HABP4: variants seen among roughly 807,000 people sequenced by gnomAD.
HABP4 encodes hyaluronan binding protein 4.
In HABP4, 32 loss-of-function variants were observed where a neutral mutation model predicts 44.1. That is an observed-to-expected ratio of 0.73 (90% CI 0.55 to 0.97). The LOEUF (loss-of-function observed/expected upper bound fraction) is 0.97. Ranked by LOEUF, HABP4 falls within the 50% of genes least tolerant of loss-of-function variation. HABP4 has a pLI of 0.00. For synonymous variants in HABP4, 216 were observed against 218.0 expected (o/e 0.99, Z 0.08); for missense variants, 503 against 561.9 (o/e 0.90, Z 1.06).
rs946817906 is a variant in HABP4 at position 96,465,648 on chromosome 9, C to T, written c.675-62C>T. 2.5e-5 allele frequency: 32 copies of T among 1,268,370 alleles called. No homozygotes were observed. In the African/African-American group the frequency reaches 4.4e-4, roughly 17 times the overall value. The allele number at this position is 1,268,370 out of a possible 1,614,324, so 78.6% of individuals were successfully genotyped here. On this transcript the variant is annotated intron_variant, in intron 3 of 7. Transcript: ENST00000375249. Reference sequence around the variant, plus strand: ...CTGGGACTTTTATGAACCACTCTTTCTGATTTGGAGATTGACTGGAGACTA... The same window carrying T: ...CTGGGACTTTTATGAACCACTCTTTTTGATTTGGAGATTGACTGGAGACTA...
intron 5 of HABP4, among the ~76,000 whole-genome samples, chr9:96,475,274 G>C (rs955391015): frequency 6.6e-6 from 1 of 151,940 alleles, no homozygotes; most frequent in African/African-American, 2.4e-5. Context: ...TATTCAGGAG[G>C]CTGAGGCAGG....
intron 1 of HABP4, among the ~76,000 whole-genome samples, chr9:96,458,151 T>C (rs563740100): frequency 6.6e-6 from 1 of 152,344 alleles, no homozygotes; most frequent in African/African-American, 2.4e-5. Context: ...GGTCATATAC[T>C]TTCTAGGATA....
At chr9:96,457,741 G>C (rs1022499975) in intron 1 of HABP4, among the ~76,000 whole-genome samples, 1 of 152,084 alleles carries the variant, frequency 6.6e-6, no homozygotes, top group African/African-American at 2.4e-5. Flanking sequence ...GGTGGCACAT[G>C]CCTGTAATTC....
intron 5 of HABP4, among the ~76,000 whole-genome samples, chr9:96,472,235 G>A (rs147185193): frequency 4.6e-5 from 7 of 152,114 alleles, no homozygotes; most frequent in African/African-American, 7.2e-5. Context: ...AAGTCACATC[G>A]TGGGCCTGGT....
Position 96,488,265 on chromosome 9 carries a change from A to C in HABP4, c.1176A>C (p.Ala392=). 6.2e-7 allele frequency: 1 copy of C among 1,611,364 alleles called. No homozygotes were observed. Among genetic ancestry groups the C allele is most frequent in the Non-Finnish European group, 8.5e-7 (1 of 1,178,512 alleles). The change falls in exon 7 of 8, where the codon GCA becomes GCC. Residue 392 remains alanine, a synonymous_variant. Coordinates refer to ENST00000375249, the MANE Select transcript of HABP4 (RefSeq NM_014282.4). The surrounding 1 kb of genome is among the most constrained non-coding windows in gnomAD (Gnocchi z 4.6). ...IRRAENYGPR[A]EVVMQDVAPN... Reference sequence around the variant, plus strand: ...GGGCAGAGAACTATGGACCCAGAGCAGAAGTGGTGGTAGGTGTCTGTATTG... The same window carrying C: ...GGGCAGAGAACTATGGACCCAGAGCCGAAGTGGTGGTAGGTGTCTGTATTG...
intron 5 of HABP4, chr9:96,484,250 C>T: frequency 2.2e-6 from 1 of 458,464 alleles, no homozygotes; most frequent in Admixed American, 4.0e-5. Context: ...GATTTGAACA[C>T]AGATAGGAAG....
chr9:96,474,827 C>A (rs1832755444), intron 5 of HABP4, among the ~76,000 whole-genome samples: 1 of 152,154 alleles, frequency 6.6e-6, no homozygotes, highest in Non-Finnish European at 1.5e-5. Context: ...CCTGAATGTA[C>A]ATTCAGTGTA....
intron 5 of HABP4, among the ~76,000 whole-genome samples, chr9:96,472,845 C>T (rs764866904): frequency 1.3e-5 from 2 of 152,188 alleles, no homozygotes; most frequent in Admixed American, 6.5e-5. Flanking sequence ...CACTGTCCTT[C>T]TGAAACAGTC....
chr9:96,467,351 G>A (rs1446627743), intron 4 of HABP4, among the ~76,000 whole-genome samples: 2 of 152,128 alleles, frequency 1.3e-5, no homozygotes, highest in African/African-American at 2.4e-5. Context: ...TCCTTGAAAA[G>A]AAGAGAAACT....
chr9:96,451,899 A>T (rs1285022581), intron 1 of HABP4, among the ~76,000 whole-genome samples: 1 of 152,118 alleles, frequency 6.6e-6, no homozygotes, highest in African/African-American at 2.4e-5. Context: ...AAAGGAATTG[A>T]GGAAGGCTAA....
At chr9:96,483,301 C>G (rs975782289) in intron 5 of HABP4, 1 of 152,056 alleles carries the variant, frequency 6.6e-6, no homozygotes, top group African/African-American at 2.4e-5. Context: ...TCACTCAGAT[C>G]CTTGCCTTTT....
Position 96,450,328 on chromosome 9 carries a change from C to A in HABP4, c.49C>A (p.Gln17Lys). ...CGTGGCTGCCGCTGGCGCCGCGATG[C>A]AGGAGAGTTTCGGCTGCGTGGTGGC... ...SPVAAAGAAM[Q>K]ESFGCVVANR... The change falls in exon 1 of 8, where the codon CAG (glutamine) becomes AAG (lysine). Residue 17 changes from glutamine (Q) to lysine (K), a missense_variant. By Grantham distance (53) the Gln-to-Lys change is moderately conservative. Transcript: ENST00000375249. The surrounding 1 kb of genome is among the most constrained non-coding windows in gnomAD (Gnocchi z 4.8). The A allele has an allele frequency of 7.1e-7, 1 of 1,410,596 alleles. No homozygotes were observed. Among genetic ancestry groups the A allele is most frequent in the Non-Finnish European group, 9.4e-7 (1 of 1,064,026 alleles). 87.4% of individuals were successfully genotyped at this position (1,410,596 alleles called of 1,614,324 possible).
At position 96,465,887 on chromosome 9, in the gene HABP4, C is replaced by G. The variant is rs1224529070; in HGVS notation, c.743+109C>G. 8 of 673,058 alleles carry G rather than the reference C, an allele frequency of 1.2e-5. No individual in the cohort carries two copies. The East Asian group carries it at 2.2e-4, about 18-fold the overall frequency. The allele number at this position is 673,058 out of a possible 1,614,324, so 41.7% of individuals were successfully genotyped here. On this transcript the variant is annotated intron_variant, in intron 4 of 7. Coordinates refer to ENST00000375249, the MANE Select transcript of HABP4 (RefSeq NM_014282.4). ...CTGTATTGTGCTTTATACTTGTGTG[C>G]CCCTAAGTAGAGATTGATTTTAGGC...
intron 2 of HABP4, among the ~76,000 whole-genome samples, chr9:96,462,254 C>A (rs1832512556): frequency 2.0e-5 from 3 of 151,886 alleles, no homozygotes; most frequent in Admixed American, 6.6e-5. Flanking sequence ...GAATTCGATT[C>A]CAGCCTGGCC....
At chr9:96,473,480 A>T (rs899439961) in intron 5 of HABP4, among the ~76,000 whole-genome samples, 14 of 152,130 alleles carry the variant, frequency 9.2e-5, no homozygotes, top group African/African-American at 3.1e-4. Flanking sequence ...CTGGACCACC[A>T]CTGGAGCCCC....
rs1310614407 is a variant in HABP4, at chr9:96,465,760, G to A, written c.725G>A (p.Gly242Glu). The change falls in exon 4 of 8, where the codon GGA becomes GAA. Residue 242 changes from glycine (G) to glutamate (E), a missense_variant. Physicochemically the swap from Gly to Glu is moderately conservative, Grantham distance 98 (BLOSUM62 -2). Transcript: ENST00000375249. ...NMGGCGVRTW[G>E]SGKDTSDVEP... ...GGTGGATGTGGAGTTCGAACCTGGG[G>A]ATCGGGTAAAGATACCAGGTACGGT... is the stretch of plus-strand genomic sequence containing the variant. 7.6e-6 allele frequency: 12 copies of A among 1,587,928 alleles called. No individual in the cohort carries two copies. Among genetic ancestry groups the A allele is most frequent in the Non-Finnish European group, 1.0e-5 (12 of 1,156,214 alleles).
In HABP4 at chr9:96,450,200, C is replaced by A. The variant is rs1014983639; in HGVS notation, c.-80C>A. The A allele has an allele frequency of 8.2e-7, 1 of 1,215,410 alleles. No individual in the cohort carries two copies. Among genetic ancestry groups the A allele is most frequent in the South Asian group, 2.9e-5 (1 of 34,410 alleles). 75.3% of individuals were successfully genotyped at this position (1,215,410 alleles called of 1,614,324 possible). A position where few individuals can be genotyped will look rare whatever the true frequency, so the allele number is the denominator to read the frequency against. On this transcript the variant is annotated 5_prime_UTR_variant, in exon 1 of 8. Coordinates refer to ENST00000375249, the MANE Select transcript of HABP4 (RefSeq NM_014282.4). The surrounding 1 kb of genome is among the most constrained non-coding windows in gnomAD (Gnocchi z 4.8). ...CGGAGGGCGGTGGCGGCGGAGCGGG[C>A]GGCATGGGTCCTGGCCGCCGGCTTC...
At position 96,488,373 on chromosome 9, in the gene HABP4, C is replaced by T. The variant is rs1833013545; in HGVS notation, c.1185+99C>T. 2.7e-6 allele frequency: 2 copies of T among 740,816 alleles called. No individual in the cohort carries two copies. Among genetic ancestry groups the T allele is most frequent in the Non-Finnish European group, 4.3e-6 (2 of 459,942 alleles). The allele number at this position is 740,816 out of a possible 1,614,324, so 45.9% of individuals were successfully genotyped here. Reference sequence around the variant, plus strand: ...TCAGAGGGTCATGAGTTTCTGCAGTCACTTCTTTCTGTAGCTAGTGTGGGA... The same window carrying T: ...TCAGAGGGTCATGAGTTTCTGCAGTTACTTCTTTCTGTAGCTAGTGTGGGA... On this transcript the variant is annotated intron_variant, in intron 7 of 7. Transcript: ENST00000375249. This position sits in a 1 kb window ranked among gnomAD's most constrained non-coding sequence, Gnocchi z 4.6.
rs1284515373 is a variant in HABP4, at chr9:96,488,536, C to G, written c.1185+262C>G. ...GAAACTCACTGTCACCCGCATTAGA[C>G]AAGATCCCCAGGCTTGGGATTGAAC... On this transcript the variant is annotated intron_variant, in intron 7 of 7. Coordinates refer to ENST00000375249, the MANE Select transcript of HABP4 (RefSeq NM_014282.4). This position sits in a 1 kb window ranked among gnomAD's most constrained non-coding sequence, Gnocchi z 4.6. 6.6e-6 allele frequency among the ~76,000 whole-genome samples: 1 copy of G among 152,190 alleles called. No individual in the cohort carries two copies. Among genetic ancestry groups the G allele is most frequent in the Non-Finnish European group, 1.5e-5 (1 of 68,044 alleles).
Sources: allele counts gnomAD v4.1 joint callset (sites outside exome capture counted in the v4.1 genomes callset), GRCh38; gene constraint gnomAD v4.1.1; non-coding constraint Gnocchi (gnomAD v3.1); transcripts MANE v1.5; gene names NCBI Gene and HGNC (gene_info 2026-07-23, HGNC 2026-07-21).